Variants in PTBP3 observed in about 807,000 individuals in gnomAD.
PTBP3 encodes polypyrimidine tract binding protein 3, also known as polypyrimidine tract-binding protein 3.
Under a neutral mutation model 58.7 loss-of-function variants are expected in PTBP3, and 20 were observed. The ratio of observed to expected loss-of-function variants is 0.34; its 90% CI spans 0.24 to 0.50. PTBP3 has a LOEUF of 0.50. Ranked by LOEUF, PTBP3 falls within the 20% of genes least tolerant of loss-of-function variation. The pLI is 0.98. For missense variants in PTBP3, 509 were observed against 637.2 expected (o/e 0.80, Z 2.17); for synonymous variants, 185 against 219.8 (o/e 0.84, Z 1.40).
Position 112,287,740 on chromosome 9 carries a change from T to C in PTBP3, c.34+10092A>G, listed in dbSNP as rs542371249. Among the ~76,000 whole-genome samples, 15 of 152,356 alleles carry C rather than the reference T, an allele frequency of 9.8e-5. 1 individual carries two copies. The East Asian group carries it at 2.7e-3, about 27-fold the overall frequency. ...ACAATGTGCTATGAATGCCATCATGTATTTTTTTCAGGTGTCTTATTTTTA... is the reference window on the plus strand; with the variant it reads ...ACAATGTGCTATGAATGCCATCATGCATTTTTTTCAGGTGTCTTATTTTTA... On this transcript the variant is annotated intron_variant, in intron 2 of 13. Transcript: ENST00000374257.
chr9:112,352,898 C>CT, the PTBP3 span, among the ~76,000 whole-genome samples: 6 of 150,858 alleles, frequency 4.0e-5, no homozygotes, highest in Admixed American at 6.6e-5. Flanking sequence ...TAATGACTTT[C>CT]TTTTTTTTCT....
chr9:112,365,138 G>A, the PTBP3 span, among the ~76,000 whole-genome samples: 128 of 148,854 alleles, frequency 8.6e-4, 1 homozygote, highest in East Asian at 0.021. Flanking sequence ...AGGCTTAATA[G>A]TATTTCATTG....
At chr9:112,237,472 T>A (rs1357161004) in intron 7 of PTBP3, among the ~76,000 whole-genome samples, 1 of 152,208 alleles carries the variant, frequency 6.6e-6, no homozygotes, top group Non-Finnish European at 1.5e-5. Flanking sequence ...GAAATCAGTT[T>A]ATCACAGTGT....
chr9:112,379,606 A>G, the PTBP3 span, among the ~76,000 whole-genome samples: 2 of 152,292 alleles, frequency 1.3e-5, no homozygotes, highest in East Asian at 3.9e-4. Context: ...ACGCTGGCCG[A>G]CTTCAGCCAC....
chr9:112,331,712 T>C (rs978555024), intron 1 of PTBP3, among the ~76,000 whole-genome samples: 4 of 152,228 alleles, frequency 2.6e-5, no homozygotes, highest in African/African-American at 9.6e-5. Flanking sequence ...TTCCAGTCAG[T>C]ATCTGTATAA....
At chr9:112,308,109 G>A (rs914095190) in intron 1 of PTBP3, among the ~76,000 whole-genome samples, 32 of 152,078 alleles carry the variant, frequency 2.1e-4, no homozygotes, top group African/African-American at 6.5e-4. Flanking sequence ...GGAGTACAGC[G>A]GCATAATCAG....
intron 1 of PTBP3, among the ~76,000 whole-genome samples, chr9:112,331,548 C>A (rs1435713679): frequency 6.6e-6 from 1 of 152,110 alleles, no homozygotes; most frequent in Non-Finnish European, 1.5e-5. Flanking sequence ...TCCTTGTAAA[C>A]TTCTGAAACT....
At chr9:112,239,519 C>T (rs558122567) in intron 7 of PTBP3, among the ~76,000 whole-genome samples, 1 of 152,040 alleles carries the variant, frequency 6.6e-6, no homozygotes, top group South Asian at 2.1e-4. Context: ...CACTTCAGGC[C>T]ACGAGTTCAA....
the PTBP3 span, among the ~76,000 whole-genome samples, chr9:112,378,020 A>T: frequency 6.6e-6 from 1 of 152,200 alleles, no homozygotes; most frequent in Non-Finnish European, 1.5e-5. Context: ...ATCTACTCAC[A>T]AACTATTCTT....
At chr9:112,225,158 C>CA (rs1334893456) in intron 12 of PTBP3, among the ~76,000 whole-genome samples, 1 of 152,150 alleles carries the variant, frequency 6.6e-6, no homozygotes, top group Non-Finnish European at 1.5e-5. Flanking sequence ...ACGTGACAGT[C>CA]AACTGACTAA....
intron 1 of PTBP3, among the ~76,000 whole-genome samples, chr9:112,323,008 G>A (rs1246335493): frequency 1.3e-5 from 2 of 152,252 alleles, no homozygotes; most frequent in African/African-American, 4.8e-5. Flanking sequence ...AAGACTTGGG[G>A]AGGCTGAAGC....
intron 1 of PTBP3, among the ~76,000 whole-genome samples, chr9:112,313,558 T>C (rs1270859969): frequency 6.6e-6 from 1 of 152,224 alleles, no homozygotes; most frequent in Non-Finnish European, 1.5e-5. Context: ...CTGGAGAGTC[T>C]ATCACAGACC....
chr9:112,342,796 A>G, the PTBP3 span, among the ~76,000 whole-genome samples: 1 of 141,876 alleles, frequency 7.0e-6, no homozygotes, highest in South Asian at 2.3e-4. Context: ...TGATATATAT[A>G]CTTTTGTTTA....
chr9:112,246,723 G>T (rs937619210), intron 7 of PTBP3, among the ~76,000 whole-genome samples: 1 of 150,868 alleles, frequency 6.6e-6, no homozygotes, highest in Non-Finnish European at 1.5e-5. Context: ...AAAAAGAAAA[G>T]GTGAAAAGTG....
At chr9:112,295,837 C>T (rs551167124) in intron 2 of PTBP3, among the ~76,000 whole-genome samples, 3 of 152,284 alleles carry the variant, frequency 2.0e-5, no homozygotes, top group Admixed American at 2.0e-4. Context: ...TAACATATAA[C>T]TCTAACATAA....
the PTBP3 span, among the ~76,000 whole-genome samples, chr9:112,349,548 G>A: frequency 6.6e-6 from 1 of 151,908 alleles, no homozygotes; most frequent in African/African-American, 2.4e-5. Context: ...TGTGGAATTT[G>A]ACACTATCTC....
At chr9:112,273,363 G>A (rs1014915115) in intron 3 of PTBP3, among the ~76,000 whole-genome samples, 10 of 152,204 alleles carry the variant, frequency 6.6e-5, no homozygotes, top group African/African-American at 2.4e-4. Flanking sequence ...AAATGATCAA[G>A]GTAGGAAAAA....
intron 1 of PTBP3, among the ~76,000 whole-genome samples, chr9:112,306,512 G>A (rs1056623704): frequency 6.0e-5 from 9 of 150,052 alleles, no homozygotes; most frequent in Non-Finnish European, 7.4e-5. Context: ...ACTTCCATCT[G>A]TAAAGAAAAA....
the PTBP3 span, among the ~76,000 whole-genome samples, chr9:112,372,719 T>C: frequency 9.3e-4 from 141 of 152,280 alleles, no homozygotes; most frequent in African/African-American, 3.2e-3. Context: ...TGAGGTTCAT[T>C]CATATTTTAG....
Sources: allele counts gnomAD v4.1 joint callset (sites outside exome capture counted in the v4.1 genomes callset), GRCh38; gene constraint gnomAD v4.1.1; transcripts MANE v1.5; gene names NCBI Gene and HGNC (gene_info 2026-07-23, HGNC 2026-07-21).